Variants in PDZRN4 observed in about 807,000 individuals in gnomAD.
PDZRN4 encodes PDZ domain-containing RING finger protein 4.
In PDZRN4, 70 loss-of-function variants were observed where a neutral mutation model predicts 99.0. That is an observed-to-expected ratio of 0.71 (90% CI 0.58 to 0.86). PDZRN4 has a LOEUF of 0.86. Ranked by LOEUF, PDZRN4 falls within the 40% of genes least tolerant of loss-of-function variation. The probability of loss-of-function intolerance (pLI) is 0.00; values close to 1 mark genes in which losing one functional copy is unlikely to be tolerated. For synonymous variants in PDZRN4, 551 were observed against 501.6 expected (o/e 1.10, Z -1.32); for missense variants, 1,474 against 1,331.2 (o/e 1.11, Z -1.67).
chr12:41,234,352 G>C, intron 3 of PDZRN4, among the ~76,000 whole-genome samples: 1 of 152,096 alleles, frequency 6.6e-6, no homozygotes, highest in East Asian at 1.9e-4. Context: ...CCATTGGTCA[G>C]AAAAGTTATC....
At chr12:41,196,008 A>G (rs1221020330) in intron 3 of PDZRN4, among the ~76,000 whole-genome samples, 1 of 152,194 alleles carries the variant, frequency 6.6e-6, no homozygotes, top group Non-Finnish European at 1.5e-5. Context: ...TATTCTAGCT[A>G]GATGACAATA....
At chr12:41,316,660 C>T (rs936851658) in intron 3 of PDZRN4, among the ~76,000 whole-genome samples, 1 of 151,954 alleles carries the variant, frequency 6.6e-6, no homozygotes, top group African/African-American at 2.4e-5. Flanking sequence ...GTTTGTATGG[C>T]TTATAAGATC....
chr12:41,544,194 A>C (rs1320042625), intron 5 of PDZRN4, among the ~76,000 whole-genome samples: 1 of 152,192 alleles, frequency 6.6e-6, no homozygotes, highest in Non-Finnish European at 1.5e-5. Context: ...AATAAGTAAA[A>C]ACTGAACATG....
chr12:41,404,688 A>G (rs1427231837), intron 3 of PDZRN4, among the ~76,000 whole-genome samples: 1 of 151,996 alleles, frequency 6.6e-6, no homozygotes, highest in Non-Finnish European at 1.5e-5. Flanking sequence ...ACTGAAAAAG[A>G]GCATGAATAG....
chr12:41,248,225 C>CAGAACA (rs1951146114), intron 3 of PDZRN4, among the ~76,000 whole-genome samples: 1 of 152,106 alleles, frequency 6.6e-6, no homozygotes, highest in South Asian at 2.1e-4. Context: ...TTGCTGAGTA[C>CAGAACA]TTTTAGAGTC....
intron 5 of PDZRN4, among the ~76,000 whole-genome samples, chr12:41,521,800 T>C (rs1412703185): frequency 6.6e-6 from 1 of 152,132 alleles, no homozygotes; most frequent in East Asian, 1.9e-4. Context: ...TAATTGAGTA[T>C]GTGTTCTTTC....
chr12:41,431,322 T>C (rs566234795), intron 3 of PDZRN4, among the ~76,000 whole-genome samples: 11 of 152,310 alleles, frequency 7.2e-5, no homozygotes, highest in Admixed American at 7.2e-4. Context: ...GTAGGTGCTA[T>C]TATTATCCCT....
At chr12:41,374,977 C>A (rs1210585576) in intron 3 of PDZRN4, among the ~76,000 whole-genome samples, 1 of 152,180 alleles carries the variant, frequency 6.6e-6, no homozygotes, top group African/African-American at 2.4e-5. Flanking sequence ...CTCTTTCTCT[C>A]TCTCTCTCTT....
chr12:41,485,485 C>T (rs1345847303), intron 3 of PDZRN4, among the ~76,000 whole-genome samples: 1 of 152,138 alleles, frequency 6.6e-6, no homozygotes, highest in African/African-American at 2.4e-5. Flanking sequence ...CACTATTAAC[C>T]ACTGAAATCT....
intron 3 of PDZRN4, among the ~76,000 whole-genome samples, chr12:41,252,767 C>A (rs969243474): frequency 1.3e-5 from 2 of 151,972 alleles, no homozygotes; most frequent in African/African-American, 4.8e-5. Flanking sequence ...ACAGTCTTAA[C>A]AGAAAGCAGA....
chr12:41,324,206 C>T (rs1300898210), intron 3 of PDZRN4, among the ~76,000 whole-genome samples: 1 of 151,902 alleles, frequency 6.6e-6, no homozygotes, highest in East Asian at 1.9e-4. Flanking sequence ...TGAGATTTTG[C>T]AGATACCACC....
chr12:41,570,580 T>A (rs1218270261), intron 9 of PDZRN4, among the ~76,000 whole-genome samples: 1 of 152,140 alleles, frequency 6.6e-6, no homozygotes, highest in African/African-American at 2.4e-5. Context: ...CATCTGCATG[T>A]AAAATAAGAA....
intron 3 of PDZRN4, among the ~76,000 whole-genome samples, chr12:41,291,150 A>G (rs1051531325): frequency 3.4e-4 from 52 of 152,286 alleles, no homozygotes; most frequent in African/African-American, 1.3e-3. Context: ...TTGCACAGAT[A>G]TAATAAAAAG....
At chr12:41,442,145 T>C (rs911519711) in intron 3 of PDZRN4, among the ~76,000 whole-genome samples, 1 of 152,120 alleles carries the variant, frequency 6.6e-6, no homozygotes, top group Non-Finnish European at 1.5e-5. Context: ...CAATTGTCTC[T>C]CTTCCTATTC....
Position 41,573,605 on chromosome 12 carries a change from C to T in PDZRN4, c.2826C>T (p.Ser942=), listed in dbSNP as rs777542347. ...AGATGAAAATGGGGCGCTACTGGAG[C>T]AAAGAGGAGAGAAAGCAGCACCTGG... is the stretch of plus-strand genomic sequence containing the variant. ...MSEMKMGRYW[S]KEERKQHLVR... is the part of the protein sequence containing the mutation. The change falls in exon 10 of 10, where the codon AGC becomes AGT. Residue 942 remains serine (S), a synonymous_variant. Transcript: ENST00000402685. 6.2e-7 allele frequency: 1 copy of T among 1,613,126 alleles called. No individual in the cohort carries two copies. Among genetic ancestry groups the T allele is most frequent in the Non-Finnish European group, 8.5e-7 (1 of 1,179,722 alleles).
At chr12:41,298,566 T>C (rs1951510481) in intron 3 of PDZRN4, among the ~76,000 whole-genome samples, 1 of 152,190 alleles carries the variant, frequency 6.6e-6, no homozygotes, top group African/African-American at 2.4e-5. Context: ...AATTTCTTTA[T>C]AAATTACCTG....
rs115609178 is a variant in PDZRN4, at chr12:41,326,879, C to T, written c.843+132691C>T. Among the ~76,000 whole-genome samples the T allele has an allele frequency of 4.0e-3, 604 of 152,074 alleles. 7 individuals are homozygous for T. Among genetic ancestry groups the T allele is most frequent in the African/African-American group, 0.011 (474 of 41,510 alleles). On this transcript the variant is annotated intron_variant, in intron 3 of 9. Transcript: ENST00000402685. The stretch of plus-strand genomic sequence containing the variant: ...GAATATCATATATAACAGGTTATCC[C>T]GGTGTTAATAAAGTACATGGACAAA...
intron 5 of PDZRN4, among the ~76,000 whole-genome samples, chr12:41,533,224 G>A (rs1033679191): frequency 2.6e-5 from 4 of 151,378 alleles, no homozygotes; most frequent in African/African-American, 9.7e-5. Flanking sequence ...CCCCAGGCTG[G>A]AGGGCAGTGG....
chr12:41,312,185 A>T (rs1272461059), intron 3 of PDZRN4, among the ~76,000 whole-genome samples: 1 of 151,630 alleles, frequency 6.6e-6, no homozygotes, highest in Non-Finnish European at 1.5e-5. Flanking sequence ...ATTATATTTC[A>T]TTTAGGGTTT....
Sources: allele counts gnomAD v4.1 joint callset (sites outside exome capture counted in the v4.1 genomes callset), GRCh38; gene constraint gnomAD v4.1.1; transcripts MANE v1.5; gene names NCBI Gene and HGNC (gene_info 2026-07-23, HGNC 2026-07-21).